Variants in RALY observed in about 807,000 individuals in gnomAD.
RALY encodes RALY heterogeneous nuclear ribonucleoprotein.
In RALY, 15 loss-of-function variants were observed where a neutral mutation model predicts 30.7. The ratio of observed to expected loss-of-function variants is 0.49; its 90% CI spans 0.33 to 0.75. RALY has a LOEUF of 0.75. RALY is among the 30% of genes least tolerant of loss of function. The pLI, the probability that RALY is intolerant of heterozygous loss-of-function variation, is 0.02. For synonymous variants in RALY, 177 were observed against 170.8 expected (o/e 1.04, Z -0.28); for missense variants, 339 against 414.3 (o/e 0.82, Z 1.58).
rs1206248136 is a variant in RALY at position 34,082,211 on chromosome 20, C to G, written c.*2306C>G. 6.6e-6 allele frequency: 1 copy of G among 152,332 alleles called. No individual in the cohort carries two copies. The highest frequency in any genetic ancestry group is 1.5e-5 in the Non-Finnish European group (1 of 68,122). The allele number at this position is 152,332 out of a possible 1,614,324, so 9.4% of individuals were successfully genotyped here. ...CCCAGAAGGCGAGAGCCAGCTATAA[C>G]AGACCCATTTCAATACCCTGGCAAG... On this transcript the variant is annotated 3_prime_UTR_variant, in exon 10 of 10. Coordinates refer to ENST00000246194, the MANE Select transcript of RALY (RefSeq NM_016732.3).
intron 1 of RALY, among the ~76,000 whole-genome samples, chr20:34,023,206 A>G (rs993006043): frequency 6.6e-6 from 1 of 152,368 alleles, no homozygotes; most frequent in Non-Finnish European, 1.5e-5. Context: ...ATTCTGAGGT[A>G]GGTGATTTAA....
intron 1 of RALY, chr20:34,016,541 A>AT: frequency 6.6e-6 from 1 of 152,362 alleles, no homozygotes; most frequent in Admixed American, 6.5e-5. Context: ...TTTTTAATGA[A>AT]TTCCTTGAGT....
chr20:34,072,291 C>A lies in RALY; in HGVS notation c.217C>A (p.Leu73Met). 8 of 1,613,868 alleles carry A rather than the reference C, an allele frequency of 5.0e-6. No individual in the cohort carries two copies. The highest frequency in any genetic ancestry group is 6.8e-6 in the Non-Finnish European group (8 of 1,180,038). Residue 73 changes from leucine to methionine, a missense_variant, in exon 3 of 10, where the codon CTG (leucine) becomes ATG (methionine). Leu to Met is a conservative substitution (Grantham distance 15). This residue lies in a region of RALY where 71 missense variants were observed against 133.7 expected (regional missense o/e 0.53). Coordinates refer to ENST00000246194, the MANE Select transcript of RALY (RefSeq NM_016732.3). ...SNERHARAAV[L>M]GENGRVLAGQ... is the part of the protein sequence containing the mutation. Reference sequence around the variant, plus strand: ...TGAGCGCCATGCCCGGGCAGCTGTGCTGGGAGAGAATGGGCGGGTGCTGGC... The same window carrying A: ...TGAGCGCCATGCCCGGGCAGCTGTGATGGGAGAGAATGGGCGGGTGCTGGC...
At chr20:34,027,349 A>G (rs1445856266) in intron 1 of RALY, among the ~76,000 whole-genome samples, 2 of 152,146 alleles carry the variant, frequency 1.3e-5, no homozygotes, top group Admixed American at 6.5e-5. Context: ...TAAAATGGAC[A>G]TGTCATCACC....
chr20:34,049,033 C>T (rs1438648927), intron 2 of RALY: 1 of 152,068 alleles, frequency 6.6e-6, no homozygotes, highest in African/African-American at 2.4e-5. Flanking sequence ...TTAGAAAGGC[C>T]TCCAAGTCTG....
intron 8 of RALY, 97 bp downstream of exon 8, chr20:34,077,342 T>G (rs2033921799): frequency 6.4e-7 from 1 of 1,564,128 alleles, no homozygotes; most frequent in Non-Finnish European, 8.7e-7. Flanking sequence ...TTGCCCCCAC[T>G]GTGAACTTCC....
At chr20:33,997,569 T>G (rs1295723162) in intron 1 of RALY, among the ~76,000 whole-genome samples, 1 of 152,206 alleles carries the variant, frequency 6.6e-6, no homozygotes, top group Admixed American at 6.5e-5. Flanking sequence ...TCAGAATGAT[T>G]AAGTAGATCA....
chr20:34,063,463 C>T (rs1418504595), intron 2 of RALY, among the ~76,000 whole-genome samples: 1 of 152,124 alleles, frequency 6.6e-6, no homozygotes, highest in Non-Finnish European at 1.5e-5. Flanking sequence ...TAAGCTGTTT[C>T]TGAGTCTCAG....
intron 1 of RALY, among the ~76,000 whole-genome samples, chr20:34,011,395 C>G (rs913080939): frequency 1.2e-4 from 18 of 152,152 alleles, no homozygotes; most frequent in African/African-American, 3.9e-4. Flanking sequence ...TGGCAGTTAA[C>G]TCAGAGGTTT....
intron 2 of RALY, among the ~76,000 whole-genome samples, chr20:34,059,277 A>G (rs1176141177): frequency 6.6e-6 from 1 of 152,244 alleles, no homozygotes; most frequent in African/African-American, 2.4e-5. Context: ...CTGATTCTGC[A>G]TGAAAGGATT....
At chr20:33,995,127 C>T (rs1407735716) in intron 1 of RALY, among the ~76,000 whole-genome samples, 1 of 152,214 alleles carries the variant, frequency 6.6e-6, no homozygotes, top group African/African-American at 2.4e-5. Flanking sequence ...TTTTCCCTGA[C>T]TTCTGGGCCG....
intron 2 of RALY, among the ~76,000 whole-genome samples, chr20:34,050,304 C>A (rs749548833): frequency 6.6e-6 from 1 of 152,188 alleles, no homozygotes; most frequent in Non-Finnish European, 1.5e-5. Flanking sequence ...TCAAACAATT[C>A]TTGAATATAA....
intron 8 of RALY, among the ~76,000 whole-genome samples, chr20:34,077,831 A>G (rs2033937548): frequency 6.6e-6 from 1 of 152,254 alleles, no homozygotes; most frequent in South Asian, 2.1e-4. Flanking sequence ...CAAGACCCAG[A>G]TCATACTCTC....
chr20:34,061,621 A>G (rs551650366), intron 2 of RALY, among the ~76,000 whole-genome samples: 1 of 152,230 alleles, frequency 6.6e-6, no homozygotes, highest in Non-Finnish European at 1.5e-5. Context: ...TGATTATGAG[A>G]TTAATAATAC....
At position 34,084,705 on chromosome 20, in the gene RALY, CAGAG is replaced by C. The variant is rs1360539777; in HGVS notation, c.*4803_*4806del. ...ATGCTGTGAAGCAGCCCAGGCCACA[CAGAG>C]AGGCCACGTGTACATGTTCAGCTGA... On this transcript the variant is annotated 3_prime_UTR_variant, in exon 10 of 10. Coordinates refer to ENST00000246194, the MANE Select transcript of RALY (RefSeq NM_016732.3). 1.3e-5 allele frequency: 2 copies of C among 152,286 alleles called. No homozygotes were observed. Among genetic ancestry groups the C allele is most frequent in the Non-Finnish European group, 2.9e-5 (2 of 68,106 alleles). 9.4% of individuals were successfully genotyped at this position (152,286 alleles called of 1,614,324 possible).
chr20:34,040,042 C>T (rs1464530547), intron 2 of RALY, among the ~76,000 whole-genome samples: 1 of 151,634 alleles, frequency 6.6e-6, no homozygotes, highest in Non-Finnish European at 1.5e-5. Context: ...ACCCAGGAGG[C>T]GGAGGTTGCA....
intron 2 of RALY, among the ~76,000 whole-genome samples, chr20:34,042,822 C>T (rs868632027): frequency 6.6e-6 from 1 of 152,190 alleles, no homozygotes; most frequent in African/African-American, 2.4e-5. Context: ...AGTTTTAAAA[C>T]ATTTGGGCCC....
chr20:34,049,248 G>A lies in RALY; in HGVS notation c.-10+17644G>A, dbSNP rs575155053. On this transcript the variant is annotated intron_variant, in intron 2 of 9. Transcript: ENST00000246194. Reference sequence around the variant, plus strand: ...TGTTAAGGCAAGCCGAGTCTATGAGGTTTGGGCCACTGTATGGTTGTAAAG... The same window carrying A: ...TGTTAAGGCAAGCCGAGTCTATGAGATTTGGGCCACTGTATGGTTGTAAAG... 6 of 154,362 alleles carry A rather than the reference G, an allele frequency of 3.9e-5. No individual in the cohort carries two copies. In the East Asian group the frequency reaches 1.2e-3, roughly 30 times the overall value. The allele number at this position is 154,362 out of a possible 1,614,324, so 9.6% of individuals were successfully genotyped here. A position where few individuals can be genotyped will look rare whatever the true frequency, so the allele number is the denominator to read the frequency against.
At chr20:34,019,456 G>A (rs1324598277) in intron 1 of RALY, among the ~76,000 whole-genome samples, 2 of 152,164 alleles carry the variant, frequency 1.3e-5, no homozygotes, top group South Asian at 2.1e-4. Flanking sequence ...GGCCAGACCC[G>A]AAAACATGAT....
Sources: gnomAD v4.1 joint callset for allele counts (sites outside exome capture counted in the v4.1 genomes callset) on GRCh38, gnomAD v4.1.1 for gene constraint, gnomAD v4.1.1 regional missense constraint, MANE v1.5 for transcripts, NCBI Gene and HGNC (gene_info 2026-07-23, HGNC 2026-07-21) for gene names.